SH3RF3: variants seen among roughly 807,000 people sequenced by gnomAD.
SH3RF3 encodes SH3 domain containing ring finger 3, also known as E3 ubiquitin-protein ligase SH3RF3.
In SH3RF3, 29 loss-of-function variants were observed where a neutral mutation model predicts 66.3. That is an observed-to-expected ratio of 0.44 (90% CI 0.33 to 0.60). SH3RF3 has a LOEUF of 0.60. Among genes scored for constraint, SH3RF3 ranks in the 20% least tolerant of loss-of-function variants. The pLI, the probability that SH3RF3 is intolerant of heterozygous loss-of-function variation, is 0.04. For missense variants in SH3RF3, 1,194 were observed against 1,190.9 expected (o/e 1.00, Z -0.04); for synonymous variants, 583 against 532.0 (o/e 1.10, Z -1.32).
intron 1 of SH3RF3, among the ~76,000 whole-genome samples, chr2:109,212,115 C>T (rs948404126): frequency 8.5e-5 from 13 of 152,120 alleles, no homozygotes; most frequent in African/African-American, 2.7e-4. Context: ...TGCGGCTTGC[C>T]GGGCAATGGT....
At chr2:109,267,583 G>A (rs946299288) in intron 1 of SH3RF3, among the ~76,000 whole-genome samples, 1 of 152,154 alleles carries the variant, frequency 6.6e-6, no homozygotes, top group Non-Finnish European at 1.5e-5. Flanking sequence ...GAGGGCCCCC[G>A]AGTGCCGGCT....
At position 109,371,595 on chromosome 2, in the gene SH3RF3, C is replaced by T. The variant is rs369948531; in HGVS notation, c.859C>T (p.Leu287=). 1.1e-4 allele frequency: 170 copies of T among 1,614,004 alleles called. No individual in the cohort carries two copies. Among genetic ancestry groups the T allele is most frequent in the Middle Eastern group, 3.3e-4 (2 of 6,062 alleles). Residue 287 remains leucine (L), a synonymous_variant, in exon 3 of 10, where the codon CTG becomes TTG. Coordinates refer to ENST00000309415, the MANE Select transcript of SH3RF3 (RefSeq NM_001099289.3). The stretch of plus-strand genomic sequence containing the variant: ...GGACCCGGAACTGCAGGACGAGATT[C>T]TGACGGTGCTCAGGAGAGTGGATGA... ...DCLTFTKDEI[L]TVLRRVDENW...
chr2:109,329,198 C>T (rs1017963075), intron 1 of SH3RF3, among the ~76,000 whole-genome samples: 2 of 152,150 alleles, frequency 1.3e-5, no homozygotes, highest in Non-Finnish European at 2.9e-5. Flanking sequence ...TGTGCTCAGC[C>T]TTCTCCTGGT....
chr2:109,353,227 C>T (rs1682877472), intron 2 of SH3RF3, among the ~76,000 whole-genome samples: 1 of 152,230 alleles, frequency 6.6e-6, no homozygotes, highest in African/African-American at 2.4e-5. Flanking sequence ...GCCTGCCCAG[C>T]TGCACTGGCC....
At position 109,503,361 on chromosome 2, in the gene SH3RF3, T is replaced by C. The variant is rs1425452911; in HGVS notation, c.*1690T>C. ...AAGACTTTGAAACACGGGCCGCTTA[T>C]TTTCAGAGTTCCTGTTTTGGGACGT... On this transcript the variant is annotated 3_prime_UTR_variant, in exon 10 of 10. Coordinates refer to ENST00000309415, the MANE Select transcript of SH3RF3 (RefSeq NM_001099289.3). 1 of 152,170 alleles carries C rather than the reference T, an allele frequency of 6.6e-6. No individual in the cohort carries two copies. The highest frequency in any genetic ancestry group is 1.5e-5 in the Non-Finnish European group (1 of 68,032). The allele number at this position is 152,170 out of a possible 1,614,324, so 9.4% of individuals were successfully genotyped here.
chr2:109,470,311 G>A (rs1678469009), intron 8 of SH3RF3, among the ~76,000 whole-genome samples: 1 of 152,178 alleles, frequency 6.6e-6, no homozygotes, highest in Non-Finnish European at 1.5e-5. Flanking sequence ...TGAAATCCAT[G>A]CTTGCATTTC....
intron 1 of SH3RF3, among the ~76,000 whole-genome samples, chr2:109,159,488 CAGCTTTCCTTGTTAATG>C (rs1677433432): frequency 1.3e-5 from 2 of 152,218 alleles, no homozygotes; most frequent in South Asian, 4.1e-4. Context: ...TTTTACAAGT[CAGCTTTCCTTGTTAATG>C]AGCTTTCCTT....
chr2:109,174,951 A>T (rs1467306386), intron 1 of SH3RF3, among the ~76,000 whole-genome samples: 2 of 152,196 alleles, frequency 1.3e-5, no homozygotes, highest in Non-Finnish European at 2.9e-5. Context: ...CATTTGCCTT[A>T]AATAGGGTAT....
chr2:109,312,817 G>C (rs1681762346), intron 1 of SH3RF3, among the ~76,000 whole-genome samples: 1 of 152,212 alleles, frequency 6.6e-6, no homozygotes, highest in African/African-American at 2.4e-5. Flanking sequence ...CTTGTGGGTA[G>C]AGCTGCACTT....
At chr2:109,133,484 C>G (rs1416468163) in intron 1 of SH3RF3, among the ~76,000 whole-genome samples, 1 of 152,136 alleles carries the variant, frequency 6.6e-6, no homozygotes, top group Non-Finnish European at 1.5e-5. Flanking sequence ...AGCTGAGGAC[C>G]TTTCTTTGAG....
At chr2:109,323,161 C>A (rs1356834124) in intron 1 of SH3RF3, among the ~76,000 whole-genome samples, 1 of 152,138 alleles carries the variant, frequency 6.6e-6, no homozygotes, top group Non-Finnish European at 1.5e-5. Flanking sequence ...AGAGACAATG[C>A]AATGGGTGGG....
At chr2:109,464,653 G>T (rs767560154) in intron 8 of SH3RF3, among the ~76,000 whole-genome samples, 2 of 152,060 alleles carry the variant, frequency 1.3e-5, no homozygotes, top group Non-Finnish European at 1.5e-5. Context: ...TTTTTAAAGA[G>T]ACTTTATTTT....
At chr2:109,334,031 C>A (rs942769794) in intron 1 of SH3RF3, among the ~76,000 whole-genome samples, 2 of 152,126 alleles carry the variant, frequency 1.3e-5, no homozygotes, top group Non-Finnish European at 2.9e-5. Flanking sequence ...AAAGTCCAGT[C>A]GCTTCCTCAA....
intron 1 of SH3RF3, among the ~76,000 whole-genome samples, chr2:109,280,968 G>T (rs188737390): frequency 6.6e-6 from 1 of 152,320 alleles, no homozygotes; most frequent in Non-Finnish European, 1.5e-5. Context: ...AGGTGGCAGT[G>T]GTGATGCAGA....
At chr2:109,357,822 C>A (rs866171426) in intron 2 of SH3RF3, among the ~76,000 whole-genome samples, 2 of 152,268 alleles carry the variant, frequency 1.3e-5, no homozygotes, top group South Asian at 2.1e-4. Flanking sequence ...ACAGAGATTT[C>A]CCATAAACCT....
intron 3 of SH3RF3, among the ~76,000 whole-genome samples, chr2:109,392,273 C>T (rs79767955): frequency 0.02 from 3,041 of 152,216 alleles, 44 homozygotes; most frequent in Non-Finnish European, 0.03. Flanking sequence ...TCTGCAGTGA[C>T]GAGGGGATGG....
At chr2:109,363,958 G>C (rs560743871) in intron 2 of SH3RF3, among the ~76,000 whole-genome samples, 75 of 152,174 alleles carry the variant, frequency 4.9e-4, no homozygotes, top group Admixed American at 2.1e-3. Context: ...CATCTATCCT[G>C]CTTGTTGTTC....
Position 109,419,559 on chromosome 2 carries a change from A to G in SH3RF3, c.1320A>G (p.Gly440=), listed in dbSNP as rs1573236510. 1 of 1,597,624 alleles carries G rather than the reference A, an allele frequency of 6.3e-7. No homozygotes were observed. ...TCCAGGATGTCTCCTCCTCGGCGGG[A>G]TCTACCCCCACGGCTGTCCCACGGG... The part of the protein sequence containing the change: ...APTQDVSSSA[G]STPTAVPRAA... The change falls in exon 5 of 10, where the codon GGA becomes GGG. Residue 440 remains glycine (G), a synonymous_variant. Coordinates refer to ENST00000309415, the MANE Select transcript of SH3RF3 (RefSeq NM_001099289.3).
At position 109,461,912 on chromosome 2, in the gene SH3RF3, A is replaced by C. The variant is rs146892173; in HGVS notation, c.2148+12423A>C. Reference sequence around the variant, plus strand: ...CCCATCTGAGGAGGATGTTGTCTCTAAAAATTCAAAGAGCCCCACTCACCT... The same window carrying C: ...CCCATCTGAGGAGGATGTTGTCTCTCAAAATTCAAAGAGCCCCACTCACCT... On this transcript the variant is annotated intron_variant, in intron 8 of 9. Transcript: ENST00000309415. 1.4e-4 allele frequency among the ~76,000 whole-genome samples: 21 copies of C among 152,274 alleles called. 1 individual carries two copies. The East Asian group carries it at 4.0e-3, about 29-fold the overall frequency.
Sources: gnomAD v4.1 joint callset for allele counts (sites outside exome capture counted in the v4.1 genomes callset) on GRCh38, gnomAD v4.1.1 for gene constraint, MANE v1.5 for transcripts, NCBI Gene and HGNC (gene_info 2026-07-23, HGNC 2026-07-21) for gene names.